The following PCTP variants were observed in gnomAD, a reference collection of about 807,000 sequenced individuals.
PCTP encodes phosphatidylcholine transfer protein, also known as START domain-containing protein 2.
Under a neutral mutation model 31.0 loss-of-function variants are expected in PCTP, and 27 were observed. That is an observed-to-expected ratio of 0.87 (90% CI 0.64 to 1.20). The LOEUF is 1.20. Ranked by LOEUF, PCTP falls within the 50% of genes most tolerant of loss-of-function variation. The pLI, the probability that PCTP is intolerant of heterozygous loss-of-function variation, is 0.00. For missense variants in PCTP, 287 were observed against 268.2 expected, an observed-to-expected ratio of 1.07 and a Z score of -0.49; for synonymous variants, 108 against 101.2, an observed-to-expected ratio of 1.07 and a Z score of -0.40.
intron 1 of PCTP, among the ~76,000 whole-genome samples, chr17:55,763,900 A>G (rs1384402683): frequency 2.0e-5 from 3 of 152,306 alleles, no homozygotes; most frequent in Middle Eastern, 6.8e-3. Context: ...TGGACATTGT[A>G]TTGATGAAGT....
downstream of PCTP, among the ~76,000 whole-genome samples, chr17:55,827,626 C>T (rs1000791860): frequency 1.3e-5 from 2 of 152,218 alleles, no homozygotes; most frequent in Non-Finnish European, 2.9e-5. Flanking sequence ...TGTTATCAAC[C>T]TACCACAGTC....
the PCTP span, among the ~76,000 whole-genome samples, chr17:55,847,872 A>C: frequency 2.0e-5 from 3 of 152,104 alleles, no homozygotes; most frequent in African/African-American, 4.8e-5. Flanking sequence ...TTCAAATGTT[A>C]ATCTCATCTC....
chr17:55,788,282 T>G (rs1597997977), intron 3 of PCTP, among the ~76,000 whole-genome samples: 5 of 152,208 alleles, frequency 3.3e-5, no homozygotes, highest in Admixed American at 2.6e-4. Flanking sequence ...AAGTTTCAGT[T>G]TATTCTTGTC....
intron 3 of PCTP, among the ~76,000 whole-genome samples, chr17:55,790,721 C>T (rs1911931761): frequency 6.6e-6 from 1 of 150,834 alleles, no homozygotes; most frequent in African/African-American, 2.5e-5. Context: ...TGAAAATGGC[C>T]ATACTGCCCA....
chr17:55,805,128 T>G (rs1488987553), intron 3 of PCTP, among the ~76,000 whole-genome samples: 1 of 152,176 alleles, frequency 6.6e-6, no homozygotes, highest in African/African-American at 2.4e-5. Context: ...AGCAACTGAA[T>G]TTGGGGATGG....
intron 3 of PCTP, among the ~76,000 whole-genome samples, chr17:55,819,887 T>C (rs1253371427): frequency 6.6e-6 from 1 of 152,214 alleles, no homozygotes; most frequent in Non-Finnish European, 1.5e-5. Context: ...AAATTGATTT[T>C]CCATGAAGGA....
Position 55,776,281 on chromosome 17 carries a change from C to T in PCTP, c.*181C>T. On this transcript the variant is annotated 3_prime_UTR_variant, in exon 6 of 6. Transcript: ENST00000268896. ...AGGCCTACACACTACCACATCCTTTCTAAGCATGTTTGCCTGACATCCAGC... is the reference window on the plus strand; with the variant it reads ...AGGCCTACACACTACCACATCCTTTTTAAGCATGTTTGCCTGACATCCAGC... The T allele has an allele frequency of 7.3e-6, 10 of 1,373,982 alleles. No homozygotes were observed. The highest frequency in any genetic ancestry group is 3.4e-5 in the Admixed American group (1 of 29,618). The allele number at this position is 1,373,982 out of a possible 1,614,324, so 85.1% of individuals were successfully genotyped here. A position where few individuals can be genotyped will look rare whatever the true frequency, so the allele number is the denominator to read the frequency against.
intron 3 of PCTP, among the ~76,000 whole-genome samples, chr17:55,805,235 G>A (rs1252695718): frequency 6.6e-6 from 1 of 151,968 alleles, no homozygotes; most frequent in Non-Finnish European, 1.5e-5. Flanking sequence ...TAGATTCAGG[G>A]GTTTATGTGT....
At chr17:55,756,523 A>G (rs1281730811) in intron 1 of PCTP, among the ~76,000 whole-genome samples, 1 of 152,174 alleles carries the variant, frequency 6.6e-6, no homozygotes, top group East Asian at 1.9e-4. Context: ...CACTCGAGAC[A>G]GCTTTACAAA....
At chr17:55,785,209 G>T (rs1911704844) in intron 2 of PCTP, among the ~76,000 whole-genome samples, 1 of 152,248 alleles carries the variant, frequency 6.6e-6, no homozygotes, top group Admixed American at 6.5e-5. Context: ...TTTCTCTCAT[G>T]AAGCAAGTTG....
the PCTP span, among the ~76,000 whole-genome samples, chr17:55,848,573 C>G: frequency 6.6e-6 from 1 of 152,084 alleles, no homozygotes; most frequent in Admixed American, 6.6e-5. Flanking sequence ...TAATACTTAC[C>G]CCCTCCACAA....
intron 5 of PCTP, among the ~76,000 whole-genome samples, chr17:55,842,203 G>T (rs1348329084): frequency 6.6e-6 from 1 of 152,116 alleles, no homozygotes; most frequent in Non-Finnish European, 1.5e-5. Flanking sequence ...ACAAAAATTA[G>T]TGTGGGGCAA....
downstream of PCTP, among the ~76,000 whole-genome samples, chr17:55,781,303 G>A (rs1911557389): frequency 6.6e-6 from 1 of 152,120 alleles, no homozygotes; most frequent in African/African-American, 2.4e-5. Context: ...TACTCTTTTT[G>A]TCTATGTTGG....
intron 3 of PCTP, among the ~76,000 whole-genome samples, chr17:55,806,284 G>GGT (rs1912580374): frequency 6.6e-6 from 1 of 152,066 alleles, no homozygotes; most frequent in African/African-American, 2.4e-5. Flanking sequence ...TTATGACAGT[G>GGT]GTGTGCTGGA....
chr17:55,764,727 A>G (rs1009678770), intron 1 of PCTP, among the ~76,000 whole-genome samples: 1 of 152,208 alleles, frequency 6.6e-6, no homozygotes, highest in Non-Finnish European at 1.5e-5. Context: ...AAGATTCAGC[A>G]TGTTTATTCC....
chr17:55,819,164 G>T (rs1432522758), intron 3 of PCTP, among the ~76,000 whole-genome samples: 2 of 151,968 alleles, frequency 1.3e-5, no homozygotes, highest in Non-Finnish European at 2.9e-5. Context: ...TCCCCAACCT[G>T]CTAAAGGGTG....
chr17:55,778,324 G>A (rs16942077), downstream of PCTP, among the ~76,000 whole-genome samples: 8,902 of 151,852 alleles, frequency 0.059, 257 homozygotes, highest in Admixed American at 0.066. Flanking sequence ...CTTGGAATTT[G>A]TAAGTTATAT....
chr17:55,770,801 C>A (rs1910944647), intron 2 of PCTP: 1 of 226,852 alleles, frequency 4.4e-6, no homozygotes, highest in African/African-American at 2.3e-5. Flanking sequence ...CTCACTGCAG[C>A]CTTGACCTGC....
intron 5 of PCTP, among the ~76,000 whole-genome samples, chr17:55,836,890 A>G (rs1905794605): frequency 6.6e-6 from 1 of 152,186 alleles, no homozygotes. Context: ...AGGCAGTGAA[A>G]AGGAGAGTGC....
Sources: gnomAD v4.1 joint callset for allele counts (sites outside exome capture counted in the v4.1 genomes callset) on GRCh38, gnomAD v4.1.1 for gene constraint, MANE v1.5 for transcripts, NCBI Gene and HGNC (gene_info 2026-07-23, HGNC 2026-07-21) for gene names.